The following TOR1AIP1 variants were observed in gnomAD, a reference collection of about 807,000 sequenced individuals.
TOR1AIP1 encodes torsin-1A-interacting protein 1.
A neutral mutation model predicts 63.3 loss-of-function variants in TOR1AIP1; 54 were observed. The observed-to-expected ratio is 0.85, with a 90% CI of 0.69 to 1.07. The LOEUF is 1.07. TOR1AIP1 is among the 50% of genes least tolerant of loss of function. TOR1AIP1 has a pLI of 0.00. For synonymous variants in TOR1AIP1, 294 were observed against 273.5 expected (o/e 1.07, Z -0.74); for missense variants, 736 against 715.0 (o/e 1.03, Z -0.33).
At position 179,917,486 on chromosome 1, in the gene TOR1AIP1, C is replaced by T. The variant is rs1571740598; in HGVS notation, c.999C>T (p.Val333=). 1.2e-6 allele frequency: 2 copies of T among 1,613,170 alleles called. No homozygotes were observed. Among genetic ancestry groups the T allele is most frequent in the Non-Finnish European group, 1.7e-6 (2 of 1,179,946 alleles). Residue 333 remains valine (V), a synonymous_variant, in exon 10 of 10, where the codon GTC becomes GTT. Coordinates refer to ENST00000606911, the MANE Select transcript of TOR1AIP1 (RefSeq NM_015602.4). ...VTGQPQNASF[V]KRNRWWLLPL... ...GACAACCCCAAAATGCATCTTTTGT[C>T]AAGAGGAACCGGTGGTGGCTACTTC... is the stretch of plus-strand genomic sequence containing the variant.
At position 179,882,582 on chromosome 1, in the gene TOR1AIP1, A is replaced by T. The variant is rs1647741420; in HGVS notation, c.80A>T (p.Glu27Val). 6.6e-7 allele frequency: 1 copy of T among 1,519,186 alleles called. No individual in the cohort carries two copies. Among genetic ancestry groups the T allele is most frequent in the Non-Finnish European group, 8.8e-7 (1 of 1,136,876 alleles). 94.1% of individuals were successfully genotyped at this position (1,519,186 alleles called of 1,614,324 possible). A position where few individuals can be genotyped will look rare whatever the true frequency, so the allele number is the denominator to read the frequency against. ...VYVTPRAPIR[E>V]GRGRLAPQNG... ...GTCACCCCCAGGGCCCCCATCCGAG[A>T]GGGAAGGGGCCGGCTCGCCCCTCAA... The change falls in exon 1 of 10, where the codon GAG becomes GTG. Residue 27 changes from glutamate to valine, a missense_variant. By Grantham distance (121) the Glu-to-Val change is moderately radical. Transcript: ENST00000606911.
chr1:179,913,947 C>T lies in TOR1AIP1; in HGVS notation c.908-51C>T, dbSNP rs376852336. Reference sequence around the variant, plus strand: ...TCTTTGTCTACTAGAAATAAATACTCAAATTATGAAGCATAAGTTGATAGT... The same window carrying T: ...TCTTTGTCTACTAGAAATAAATACTTAAATTATGAAGCATAAGTTGATAGT... On this transcript the variant is annotated intron_variant, in intron 8 of 9. Transcript: ENST00000606911. 1.7e-5 allele frequency: 26 copies of T among 1,505,582 alleles called. No homozygotes were observed. The African/African-American group carries it at 3.1e-4, about 18-fold the overall frequency. The allele number at this position is 1,505,582 out of a possible 1,614,324, so 93.3% of individuals were successfully genotyped here. A position where few individuals can be genotyped will look rare whatever the true frequency, so the allele number is the denominator to read the frequency against.
intron 8 of TOR1AIP1, 33 bp from the exon 9 acceptor site, chr1:179,913,960 ATAAGT>A (rs1648913569): frequency 6.4e-7 from 1 of 1,562,410 alleles, no homozygotes; most frequent in Non-Finnish European, 8.8e-7. Flanking sequence ...ATTATGAAGC[ATAAGT>A]TGATAGTCTT....
rs1448135305 is a variant in TOR1AIP1, at chr1:179,882,391, T to G, written c.-112T>G. On this transcript the variant is annotated 5_prime_UTR_variant, in exon 1 of 10. It removes the in-frame stop codon of an upstream open reading frame in the 5' UTR. Transcript: ENST00000606911. ...CCCCAGCGACTCGCAACTGCCTCCCTGACCACAGCGGCCACCGCCCAACAC... is the reference window on the plus strand; with the variant it reads ...CCCCAGCGACTCGCAACTGCCTCCCGGACCACAGCGGCCACCGCCCAACAC... 1 of 1,166,726 alleles carries G rather than the reference T, an allele frequency of 8.6e-7. No homozygotes were observed. The highest frequency in any genetic ancestry group is 1.1e-6 in the Non-Finnish European group (1 of 885,508). 72.3% of individuals were successfully genotyped at this position (1,166,726 alleles called of 1,614,324 possible). A position where few individuals can be genotyped will look rare whatever the true frequency, so the allele number is the denominator to read the frequency against.
At chr1:179,915,730 C>T (rs553580991) in intron 9 of TOR1AIP1, among the ~76,000 whole-genome samples, 22 of 152,200 alleles carry the variant, frequency 1.4e-4, no homozygotes, top group African/African-American at 5.3e-4. Flanking sequence ...TTCATGTCAT[C>T]CTGGGCCACA....
intron 1 of TOR1AIP1, chr1:179,883,828 C>T (rs979565677): frequency 1.1e-5 from 4 of 363,860 alleles, no homozygotes; most frequent in South Asian, 6.0e-5. Context: ...CCCACCCTGC[C>T]CCCCCCATTT....
chr1:179,910,507 C>T (rs776957292), intron 8 of TOR1AIP1, among the ~76,000 whole-genome samples: 4 of 152,118 alleles, frequency 2.6e-5, no homozygotes, highest in African/African-American at 4.8e-5. Context: ...TAACTTTTTG[C>T]CCTTGTCTTA....
In TOR1AIP1 at chr1:179,893,443, CT is replaced by C. The variant is rs1284448025; in HGVS notation, c.610+4082del. ...AAAAGCGTGATTGGCATCAAATAGT[CT>C]TTTTTTTCTTTTTTGAGACAGAGTC... On this transcript the variant is annotated intron_variant, in intron 3 of 9. Coordinates refer to ENST00000606911, the MANE Select transcript of TOR1AIP1 (RefSeq NM_015602.4). Among the ~76,000 whole-genome samples the C allele has an allele frequency of 2.6e-5, 4 of 151,632 alleles. No individual in the cohort carries two copies. In the East Asian group the frequency reaches 5.8e-4, roughly 22 times the overall value.
At chr1:179,886,726 CAA>C (rs1647919181) in intron 2 of TOR1AIP1, among the ~76,000 whole-genome samples, 1 of 152,150 alleles carries the variant, frequency 6.6e-6, no homozygotes, top group Non-Finnish European at 1.5e-5. Flanking sequence ...TGGACTGTAT[CAA>C]TAGCATACTG....
Position 179,882,417 on chromosome 1 carries a change from C to T in TOR1AIP1, c.-86C>T, listed in dbSNP as rs1647729715. ...GACCACAGCGGCCACCGCCCAACACCCCCGAGAAGCCATCGCCACCACCGG... is the reference window on the plus strand; with the variant it reads ...GACCACAGCGGCCACCGCCCAACACTCCCGAGAAGCCATCGCCACCACCGG... On this transcript the variant is annotated 5_prime_UTR_variant, in exon 1 of 10. Transcript: ENST00000606911. The T allele has an allele frequency of 3.1e-6, 4 of 1,310,932 alleles. No individual in the cohort carries two copies. The South Asian group carries it at 7.8e-5, about 25-fold the overall frequency. 81.2% of individuals were successfully genotyped at this position (1,310,932 alleles called of 1,614,324 possible). A position where few individuals can be genotyped will look rare whatever the true frequency, so the allele number is the denominator to read the frequency against.
chr1:179,895,930 CAAA>C (rs897529459), intron 3 of TOR1AIP1, among the ~76,000 whole-genome samples: 29 of 150,616 alleles, frequency 1.9e-4, no homozygotes, highest in Middle Eastern at 6.8e-3. Flanking sequence ...AAAAAAAAAA[CAAA>C]AACAAAAAAC....
Position 179,906,832 on chromosome 1 carries a change from G to A in TOR1AIP1, c.797-991G>A, listed in dbSNP as rs1648651699. Among the ~76,000 whole-genome samples, 3 of 146,308 alleles carry A rather than the reference G, an allele frequency of 2.1e-5. No individual in the cohort carries two copies. The Admixed American group carries it at 2.1e-4, about 10-fold the overall frequency. ...AGCTCACTGCAAGCTCCGCCTCCCA[G>A]GTTCACGCCCTTCTTCTGCCTCAGC... On this transcript the variant is annotated intron_variant, in intron 6 of 9. Coordinates refer to ENST00000606911, the MANE Select transcript of TOR1AIP1 (RefSeq NM_015602.4).
intron 7 of TOR1AIP1, 146 bp downstream of exon 7, chr1:179,908,010 G>A (rs546029616): frequency 7.6e-5 from 39 of 513,926 alleles, no homozygotes; most frequent in African/African-American, 4.2e-4. Flanking sequence ...CTGGGTTCAC[G>A]CGATTCTCCT....
chr1:179,890,043 TG>T (rs986230332), intron 3 of TOR1AIP1, among the ~76,000 whole-genome samples: 1 of 152,210 alleles, frequency 6.6e-6, no homozygotes, highest in African/African-American at 2.4e-5. Context: ...TTAAAGAGAT[TG>T]TTTCTTATAT....
chr1:179,907,480 C>G (rs1389117907), intron 6 of TOR1AIP1, among the ~76,000 whole-genome samples: 1 of 147,550 alleles, frequency 6.8e-6, no homozygotes, highest in African/African-American at 2.5e-5. Context: ...ATATATATGA[C>G]TATATGTAGT....
At chr1:179,916,870 T>G (rs1345928908) in intron 9 of TOR1AIP1, among the ~76,000 whole-genome samples, 4 of 151,758 alleles carry the variant, frequency 2.6e-5, no homozygotes, top group Non-Finnish European at 5.9e-5. Flanking sequence ...ACCCAGCTAG[T>G]TTTTTGTATT....
In TOR1AIP1 at chr1:179,882,834, G is replaced by A. The variant is rs745393053; in HGVS notation, c.332G>A (p.Arg111Gln). 2.5e-6 allele frequency: 4 copies of A among 1,614,196 alleles called. No homozygotes were observed. The highest frequency in any genetic ancestry group is 1.6e-4 in the Middle Eastern group (1 of 6,062). ...GCGTACTACCTTCGGTCTAGGCAGCGGAGGCAGCCGCGACCCCAGGAAACC... is the reference window on the plus strand; with the variant it reads ...GCGTACTACCTTCGGTCTAGGCAGCAGAGGCAGCCGCGACCCCAGGAAACC... ...ESAYYLRSRQ[R>Q]RQPRPQETEE... The change falls in exon 1 of 10, where the codon CGG (arginine) becomes CAG (glutamine). Residue 111 changes from arginine (R) to glutamine (Q), a missense_variant. Arg to Gln is a conservative substitution (Grantham distance 43, BLOSUM62 1). This residue lies in a region of TOR1AIP1 where 464 missense variants were observed against 371.0 expected (regional missense o/e 1.25). Coordinates refer to ENST00000606911, the MANE Select transcript of TOR1AIP1 (RefSeq NM_015602.4).
intron 4 of TOR1AIP1, 114 bp from the exon 5 acceptor site, chr1:179,901,188 T>C (rs1317421197): frequency 2.1e-5 from 12 of 569,020 alleles, no homozygotes; most frequent in Non-Finnish European, 2.9e-5. Context: ...TAGTTCTATA[T>C]CTGATAACTT....
intron 3 of TOR1AIP1, among the ~76,000 whole-genome samples, chr1:179,890,152 C>T (rs1014537482): frequency 1.3e-5 from 2 of 152,154 alleles, no homozygotes; most frequent in South Asian, 2.1e-4. Context: ...CTCTGTGGCA[C>T]AGAACGACAA....
Sources: gnomAD v4.1 joint callset for allele counts (sites outside exome capture counted in the v4.1 genomes callset) on GRCh38, gnomAD v4.1.1 for gene constraint, gnomAD v4.1.1 regional missense constraint, MANE v1.5 for transcripts, NCBI Gene and HGNC (gene_info 2026-07-23, HGNC 2026-07-21) for gene names.